Variants in SNX4 observed in about 807,000 individuals in gnomAD.
SNX4 encodes the protein sorting nexin 4.
A neutral mutation model predicts 70.8 loss-of-function variants in SNX4; 49 were observed. That is an observed-to-expected ratio of 0.69 (90% CI 0.55 to 0.88). The LOEUF is 0.88. SNX4 is among the 40% of genes least tolerant of loss of function. The pLI is 0.00. For synonymous variants in SNX4, 206 were observed against 183.8 expected (o/e 1.12, Z -0.98); for missense variants, 528 against 544.8 (o/e 0.97, Z 0.31).
At chr3:125,454,631 A>G (rs1933663275) in intron 11 of SNX4, among the ~76,000 whole-genome samples, 1 of 152,220 alleles carries the variant, frequency 6.6e-6, no homozygotes, top group Non-Finnish European at 1.5e-5. Context: ...TTGGTATCCC[A>G]GGGATCCTTA....
intron 1 of SNX4, among the ~76,000 whole-genome samples, chr3:125,507,284 G>T (rs9866489): frequency 0.045 from 6,869 of 151,762 alleles, 535 homozygotes; most frequent in African/African-American, 0.16. Flanking sequence ...GGGTTCAAAG[G>T]CAAATTTGAG....
intron 9 of SNX4, among the ~76,000 whole-genome samples, chr3:125,466,344 C>CAAAAAAAAAAAAA (rs75116020): frequency 9.5e-6 from 1 of 105,786 alleles, no homozygotes. Context: ...TAACTATTAA[C>CAAAAAAAAAAAAA]AAAAAAAAAA....
chr3:125,506,029 T>G (rs1461036410), intron 1 of SNX4, among the ~76,000 whole-genome samples: 2 of 152,120 alleles, frequency 1.3e-5, no homozygotes, highest in Non-Finnish European at 2.9e-5. Context: ...TCAGGAAAGA[T>G]CTATAAAGAC....
chr3:125,507,946 G>A (rs2107568852), intron 1 of SNX4, among the ~76,000 whole-genome samples: 1 of 152,002 alleles, frequency 6.6e-6, no homozygotes, highest in Non-Finnish European at 1.5e-5. Context: ...TAATGAAAAT[G>A]AAATTATAAA....
At chr3:125,459,961 G>A (rs1253811755) in intron 10 of SNX4, among the ~76,000 whole-genome samples, 2 of 151,984 alleles carry the variant, frequency 1.3e-5, no homozygotes, top group Non-Finnish European at 2.9e-5. Flanking sequence ...GAGAGGCCGA[G>A]GCGGGTGGAT....
intron 12 of SNX4, among the ~76,000 whole-genome samples, chr3:125,451,790 C>T (rs1933581195): frequency 6.6e-6 from 1 of 152,056 alleles, no homozygotes; most frequent in South Asian, 2.1e-4. Flanking sequence ...CTACGCCCAA[C>T]TAATTTTTGT....
chr3:125,455,994 C>T (rs1446788184), intron 11 of SNX4, among the ~76,000 whole-genome samples: 1 of 152,136 alleles, frequency 6.6e-6, no homozygotes, highest in Non-Finnish European at 1.5e-5. Flanking sequence ...CAGAGCGAAA[C>T]TCGGTCTAAA....
At chr3:125,499,702 GATAA>G (rs1934881721) in intron 2 of SNX4, among the ~76,000 whole-genome samples, 1 of 150,288 alleles carries the variant, frequency 6.7e-6, no homozygotes, top group African/African-American at 2.4e-5. Context: ...TAAATAAGTG[GATAA>G]ATAAAGCCTA....
At chr3:125,465,604 G>C (rs1382130958) in intron 9 of SNX4, among the ~76,000 whole-genome samples, 1 of 151,808 alleles carries the variant, frequency 6.6e-6, no homozygotes, top group Non-Finnish European at 1.5e-5. Context: ...GATTGTTGTA[G>C]CTATTCTAGG....
At chr3:125,457,390 A>G in intron 10 of SNX4, 25 bp from the exon 11 acceptor site, 4 of 1,567,038 alleles carry the variant, frequency 2.6e-6, no homozygotes, top group Non-Finnish European at 3.5e-6. Context: ...ATGTGCTGCC[A>G]TTTAACTTTT....
chr3:125,497,489 T>C lies in SNX4; in HGVS notation c.550-101A>G. 5.0e-6 allele frequency: 4 copies of C among 806,430 alleles called. No individual in the cohort carries two copies. In the South Asian group the frequency reaches 6.7e-5, roughly 13 times the overall value. 50.0% of individuals were successfully genotyped at this position (806,430 alleles called of 1,614,324 possible). On this transcript the variant is annotated intron_variant, in intron 4 of 13. Coordinates refer to ENST00000251775, the MANE Select transcript of SNX4 (RefSeq NM_003794.4). ...ATTCTGTTCTTACTTCAGCAGGAAT[T>C]GGAGAGAGAAGTTTAAAAAAATTTC... is the stretch of plus-strand genomic sequence containing the variant.
chr3:125,482,335 C>T (rs1934430650), intron 6 of SNX4, among the ~76,000 whole-genome samples: 1 of 152,198 alleles, frequency 6.6e-6, no homozygotes, highest in Non-Finnish European at 1.5e-5. Context: ...CCCTTGTGCT[C>T]CCTTGCACTC....
intron 1 of SNX4, among the ~76,000 whole-genome samples, chr3:125,505,421 G>A (rs1033571016): frequency 1.3e-5 from 2 of 152,188 alleles, no homozygotes; most frequent in African/African-American, 2.4e-5. Context: ...GTAAGTATTT[G>A]GGAACTCTGG....
chr3:125,507,402 C>T (rs1472426168), intron 1 of SNX4, among the ~76,000 whole-genome samples: 2 of 151,884 alleles, frequency 1.3e-5, no homozygotes, highest in African/African-American at 4.8e-5. Flanking sequence ...AAGGGACATG[C>T]AGGACACCAT....
intron 2 of SNX4, among the ~76,000 whole-genome samples, chr3:125,501,879 A>G (rs1381898254): frequency 2.0e-5 from 3 of 152,244 alleles, no homozygotes; most frequent in African/African-American, 7.2e-5. Flanking sequence ...TTCACAGTCT[A>G]GCTATTACTG....
chr3:125,495,572 C>T (rs1274744022), intron 5 of SNX4, among the ~76,000 whole-genome samples: 5 of 149,376 alleles, frequency 3.3e-5, no homozygotes, highest in Non-Finnish European at 5.9e-5. Context: ...ACATAAGGCT[C>T]CCCCACAATG....
chr3:125,470,069 T>C (rs532278912), intron 8 of SNX4, among the ~76,000 whole-genome samples: 11 of 152,198 alleles, frequency 7.2e-5, no homozygotes, highest in Non-Finnish European at 1.6e-4. Flanking sequence ...TTTGTTGTCA[T>C]TTCTGTGAAA....
intron 7 of SNX4, among the ~76,000 whole-genome samples, chr3:125,478,061 TTATTATTATTAC>T (rs1393695341): frequency 7.5e-6 from 1 of 133,274 alleles, no homozygotes; most frequent in Non-Finnish European, 1.8e-5. Flanking sequence ...CTTCTTCTTC[TTATTATTATTAC>T]TATTATTATT....
intron 5 of SNX4, among the ~76,000 whole-genome samples, chr3:125,496,165 G>A (rs1403835268): frequency 6.6e-6 from 1 of 152,110 alleles, no homozygotes; most frequent in East Asian, 1.9e-4. Flanking sequence ...ATGGTGGCAC[G>A]CGCCTGTAGT....
Sources: allele counts gnomAD v4.1 joint callset (sites outside exome capture counted in the v4.1 genomes callset), GRCh38; gene constraint gnomAD v4.1.1; transcripts MANE v1.5; gene names NCBI Gene and HGNC (gene_info 2026-07-23, HGNC 2026-07-21).